ATOSA: variants seen among roughly 807,000 people sequenced by gnomAD.
The protein encoded by ATOSA is atos homolog protein A.
the ATOSA span, among the ~76,000 whole-genome samples, chr15:52,614,775 G>C: frequency 1.3e-5 from 2 of 152,008 alleles, no homozygotes; most frequent in East Asian, 3.9e-4. Context: ...TTGAACACGG[G>C]AGATGGAGGT....
chr15:52,629,454 T>C, the ATOSA span, among the ~76,000 whole-genome samples: 2 of 150,838 alleles, frequency 1.3e-5, no homozygotes, highest in African/African-American at 2.4e-5. Flanking sequence ...CATGAGAGTA[T>C]CATACGGAAT....
chr15:52,643,420 T>A, the ATOSA span, among the ~76,000 whole-genome samples: 1 of 151,168 alleles, frequency 6.6e-6, no homozygotes, highest in Non-Finnish European at 1.5e-5. Flanking sequence ...GCCTCCTGAG[T>A]AGCTGGGACC....
At chr15:52,696,447 C>T in the ATOSA span, among the ~76,000 whole-genome samples, 1 of 152,168 alleles carries the variant, frequency 6.6e-6, no homozygotes, top group Non-Finnish European at 1.5e-5. Flanking sequence ...CCAGTCTATC[C>T]TATCAGCTGG....
At chr15:52,608,794 T>C in the ATOSA span, 13 of 1,602,926 alleles carry the variant, frequency 8.1e-6, no homozygotes, top group Non-Finnish European at 1.1e-5. Flanking sequence ...CCTTTTTGAG[T>C]CTTTATTTGA....
At chr15:52,646,534 T>C in the ATOSA span, among the ~76,000 whole-genome samples, 1 of 152,210 alleles carries the variant, frequency 6.6e-6, no homozygotes, top group South Asian at 2.1e-4. Flanking sequence ...ATCTAGAACG[T>C]AGGAGTCCAC....
chr15:52,706,705 T>C, the ATOSA span, among the ~76,000 whole-genome samples: 1 of 152,172 alleles, frequency 6.6e-6, no homozygotes, highest in South Asian at 2.1e-4. Context: ...TTCATAAGTC[T>C]ATACAGAGAA....
the ATOSA span, among the ~76,000 whole-genome samples, chr15:52,613,290 C>T: frequency 2.0e-5 from 3 of 152,198 alleles, no homozygotes; most frequent in East Asian, 3.8e-4. Flanking sequence ...TGCTTGAACC[C>T]GGGAGGTGGA....
chr15:52,669,143 G>T, the ATOSA span, among the ~76,000 whole-genome samples: 2 of 151,934 alleles, frequency 1.3e-5, no homozygotes, highest in African/African-American at 4.8e-5. Flanking sequence ...GGATGGTCTC[G>T]ATCTCCTGAT....
the ATOSA span, among the ~76,000 whole-genome samples, chr15:52,679,735 G>C: frequency 6.7e-6 from 1 of 148,820 alleles, no homozygotes; most frequent in Non-Finnish European, 1.5e-5. Context: ...CCCAGACGTG[G>C]AGGATAATTA....
chr15:52,649,585 A>G, the ATOSA span: 2 of 152,192 alleles, frequency 1.3e-5, no homozygotes, highest in East Asian at 3.9e-4. Flanking sequence ...TATTCCTTAT[A>G]AAGAGGCAAA....
chr15:52,599,800 C>A, the ATOSA span, among the ~76,000 whole-genome samples: 1 of 152,282 alleles, frequency 6.6e-6, no homozygotes, highest in Admixed American at 6.5e-5. Context: ...TAGCCCACCA[C>A]TATTTTCTCT....
the ATOSA span, among the ~76,000 whole-genome samples, chr15:52,689,278 C>T: frequency 3.3e-5 from 5 of 152,094 alleles, no homozygotes; most frequent in Non-Finnish European, 7.4e-5. Flanking sequence ...CATAAATATA[C>T]ATGTATTGAA....
At chr15:52,634,979 T>A in the ATOSA span, among the ~76,000 whole-genome samples, 2 of 152,044 alleles carry the variant, frequency 1.3e-5, no homozygotes, top group African/African-American at 2.4e-5. Context: ...CTAACACTAA[T>A]CAAAAGAAAG....
the ATOSA span, among the ~76,000 whole-genome samples, chr15:52,701,286 A>G: frequency 7.2e-5 from 11 of 152,088 alleles, no homozygotes; most frequent in African/African-American, 2.4e-4. Context: ...TACAAAGTAT[A>G]ACATTAACCA....
chr15:52,697,740 A>C, the ATOSA span, among the ~76,000 whole-genome samples: 4 of 152,080 alleles, frequency 2.6e-5, no homozygotes, highest in Non-Finnish European at 5.9e-5. Context: ...TTATTAAGAA[A>C]AAGACAACCA....
the ATOSA span, among the ~76,000 whole-genome samples, chr15:52,622,917 G>GT: frequency 1.3e-5 from 2 of 151,802 alleles, no homozygotes; most frequent in Admixed American, 6.6e-5. Flanking sequence ...AAGCCCAGGA[G>GT]TTTGAGACCA....
At chr15:52,666,047 CA>C in the ATOSA span, among the ~76,000 whole-genome samples, 1 of 152,102 alleles carries the variant, frequency 6.6e-6, no homozygotes, top group Non-Finnish European at 1.5e-5. Context: ...CCCTGGCACC[CA>C]AAACATGAAC....
At chr15:52,643,891 C>T in the ATOSA span, among the ~76,000 whole-genome samples, 3 of 150,902 alleles carry the variant, frequency 2.0e-5, no homozygotes, top group East Asian at 1.9e-4. Context: ...CCAGCCTGGG[C>T]GACAGAGGGA....
At chr15:52,696,107 T>G in the ATOSA span, among the ~76,000 whole-genome samples, 1 of 152,284 alleles carries the variant, frequency 6.6e-6, no homozygotes, top group African/African-American at 2.4e-5. Flanking sequence ...CTGACTGCTC[T>G]GTTGAAATTA....
Sources: allele counts gnomAD v4.1 joint callset (sites outside exome capture counted in the v4.1 genomes callset), GRCh38; gene constraint gnomAD v4.1.1; transcripts MANE v1.5; gene names NCBI Gene and HGNC (gene_info 2026-07-23, HGNC 2026-07-21).